Variants in KCNQ3 observed in about 807,000 individuals in gnomAD.
KCNQ3 encodes potassium voltage-gated channel subfamily KQT member 3.
Under a neutral mutation model 92.5 loss-of-function variants are expected in KCNQ3, and 30 were observed. The ratio of observed to expected loss-of-function variants is 0.32; its 90% CI spans 0.24 to 0.44. The LOEUF (loss-of-function observed/expected upper bound fraction) is 0.44, where lower values mean the gene tolerates loss of function less well. KCNQ3 is among the 20% of genes least tolerant of loss of function. The pLI, the probability that KCNQ3 is intolerant of heterozygous loss-of-function variation, is 1.00. For synonymous variants in KCNQ3, 450 were observed against 468.8 expected (o/e 0.96, Z 0.52); for missense variants, 913 against 1,140.3 (o/e 0.80, Z 2.87).
At chr8:132,149,699 A>AGTT (rs1316089720) in intron 9 of KCNQ3, among the ~76,000 whole-genome samples, 1 of 152,154 alleles carries the variant, frequency 6.6e-6, no homozygotes, top group East Asian at 1.9e-4. Flanking sequence ...CGCGCGGGAC[A>AGTT]GTTGGGCCAG....
At chr8:132,222,383 TATTC>T (rs1365663486) in intron 1 of KCNQ3, among the ~76,000 whole-genome samples, 1 of 152,238 alleles carries the variant, frequency 6.6e-6, no homozygotes, top group Admixed American at 6.5e-5. Context: ...GGTTAATAAA[TATTC>T]CTTGAGTGAG....
At chr8:132,471,496 A>G (rs1276748975) in intron 1 of KCNQ3, among the ~76,000 whole-genome samples, 1 of 152,214 alleles carries the variant, frequency 6.6e-6, no homozygotes, top group Non-Finnish European at 1.5e-5. Context: ...AGCAAAAGAG[A>G]GAAAGTATTT....
intron 1 of KCNQ3, among the ~76,000 whole-genome samples, chr8:132,343,783 C>T (rs144266951): frequency 7.2e-5 from 11 of 152,174 alleles, no homozygotes; most frequent in South Asian, 2.1e-4. Flanking sequence ...GGTGGCTTTG[C>T]TTGTGGCTCT....
At chr8:132,274,292 C>T (rs1248323108) in intron 1 of KCNQ3, among the ~76,000 whole-genome samples, 1 of 152,170 alleles carries the variant, frequency 6.6e-6, no homozygotes, top group African/African-American at 2.4e-5. Context: ...AGAGCTTATG[C>T]ATAGGAACTC....
At chr8:132,298,696 C>G (rs1166320346) in intron 1 of KCNQ3, among the ~76,000 whole-genome samples, 1 of 152,176 alleles carries the variant, frequency 6.6e-6, no homozygotes, top group African/African-American at 2.4e-5. Flanking sequence ...CACCTGAGGT[C>G]AGGAGTTTGA....
At chr8:132,369,045 C>T (rs1323421331) in intron 1 of KCNQ3, among the ~76,000 whole-genome samples, 1 of 152,156 alleles carries the variant, frequency 6.6e-6, no homozygotes, top group African/African-American at 2.4e-5. Flanking sequence ...TTGAGAGATA[C>T]CAGTCAGGTA....
At chr8:132,137,736 G>A in intron 12 of KCNQ3, 149 bp downstream of exon 12, 1 of 972,344 alleles carries the variant, frequency 1.0e-6, no homozygotes. Context: ...GTGCTTTGTT[G>A]GCCTAGACAT....
At chr8:132,163,845 T>C (rs1826064615) in intron 8 of KCNQ3, among the ~76,000 whole-genome samples, 1 of 152,270 alleles carries the variant, frequency 6.6e-6, no homozygotes, top group African/African-American at 2.4e-5. Flanking sequence ...AGGAATGTCA[T>C]AATGTAGCAG....
At chr8:132,403,920 C>T (rs1364202519) in intron 1 of KCNQ3, among the ~76,000 whole-genome samples, 2 of 152,214 alleles carry the variant, frequency 1.3e-5, no homozygotes, top group African/African-American at 4.8e-5. Context: ...GCTACTAAGG[C>T]CTCACCAAGG....
At chr8:132,480,016 CGG>C in intron 1 of KCNQ3, 129 bp downstream of exon 1, 1 of 811,008 alleles carries the variant, frequency 1.2e-6, no homozygotes, top group Non-Finnish European at 1.9e-6. Context: ...GTGCTGAGGA[CGG>C]GCTGGTCTCC....
At chr8:132,412,998 A>C (rs571230577) in intron 1 of KCNQ3, among the ~76,000 whole-genome samples, 1 of 152,220 alleles carries the variant, frequency 6.6e-6, no homozygotes, top group Non-Finnish European at 1.5e-5. Flanking sequence ...CTCACAGTGG[A>C]GTACACACTA....
At chr8:132,298,433 G>T (rs1274495511) in intron 1 of KCNQ3, among the ~76,000 whole-genome samples, 1 of 152,164 alleles carries the variant, frequency 6.6e-6, no homozygotes, top group African/African-American at 2.4e-5. Context: ...TGCTGGAGGG[G>T]AAGTATGTAC....
chr8:132,463,308 A>G (rs1822103395), intron 1 of KCNQ3, among the ~76,000 whole-genome samples: 1 of 152,250 alleles, frequency 6.6e-6, no homozygotes, highest in African/African-American at 2.4e-5. Context: ...AGGAAGAAAG[A>G]ACCCAGGCAT....
intron 1 of KCNQ3, among the ~76,000 whole-genome samples, chr8:132,446,589 C>T (rs1267021930): frequency 6.6e-6 from 1 of 152,146 alleles, no homozygotes; most frequent in Non-Finnish European, 1.5e-5. Context: ...AGCAAGGCAA[C>T]CAGGATGAGT....
chr8:132,204,235 G>T (rs547917705), intron 1 of KCNQ3, among the ~76,000 whole-genome samples: 53 of 152,312 alleles, frequency 3.5e-4, no homozygotes, highest in Admixed American at 2.0e-3. Flanking sequence ...GAGCTGCGCC[G>T]GAGGCAGATC....
chr8:132,437,341 A>G (rs1408730546), intron 1 of KCNQ3, among the ~76,000 whole-genome samples: 1 of 152,098 alleles, frequency 6.6e-6, no homozygotes, highest in African/African-American at 2.4e-5. Flanking sequence ...TGTAGGGGAC[A>G]GGCCTAAGGT....
At chr8:132,358,195 C>T (rs1819067533) in intron 1 of KCNQ3, among the ~76,000 whole-genome samples, 1 of 152,234 alleles carries the variant, frequency 6.6e-6, no homozygotes, top group Non-Finnish European at 1.5e-5. Flanking sequence ...CAGAAAACTT[C>T]TCCCTTCAAG....
At chr8:132,200,394 G>C (rs1320954900) in intron 1 of KCNQ3, among the ~76,000 whole-genome samples, 1 of 151,152 alleles carries the variant, frequency 6.6e-6, no homozygotes, top group Non-Finnish European at 1.5e-5. Context: ...GGCCTATAAA[G>C]CTTATAATAT....
chr8:132,157,709 G>C (rs542550199), intron 9 of KCNQ3, among the ~76,000 whole-genome samples: 7 of 151,694 alleles, frequency 4.6e-5, no homozygotes. Flanking sequence ...TGTGCAGAAC[G>C]TGCAGGTTTG....
Sources: allele counts gnomAD v4.1 joint callset (sites outside exome capture counted in the v4.1 genomes callset), GRCh38; gene constraint gnomAD v4.1.1; transcripts MANE v1.5; gene names NCBI Gene and HGNC (gene_info 2026-07-23, HGNC 2026-07-21).